MECOM: variants seen among roughly 807,000 people sequenced by gnomAD.
The protein encoded by MECOM is histone-lysine N-methyltransferase MECOM.
A neutral mutation model predicts 116.3 loss-of-function variants in MECOM; 13 were observed. That is an observed-to-expected ratio of 0.11 (90% confidence interval 0.07 to 0.18). The LOEUF (loss-of-function observed/expected upper bound fraction) is 0.18. Ranked by LOEUF, MECOM falls within the 10% of genes least tolerant of loss-of-function variation. The pLI, the probability that MECOM is intolerant of heterozygous loss-of-function variation, is 1.00. For synonymous variants in MECOM, 528 were observed against 535.2 expected (o/e 0.99, Z 0.19); for missense variants, 1,299 against 1,509.0 (o/e 0.86, Z 2.31).
chr3:169,564,378 A>C (rs1222622792), intron 1 of MECOM, among the ~76,000 whole-genome samples: 1 of 152,182 alleles, frequency 6.6e-6, no homozygotes, highest in Non-Finnish European at 1.5e-5. Flanking sequence ...AGAATATAGG[A>C]AAAAAGTAGT....
chr3:169,537,090 C>T (rs979307832), intron 1 of MECOM, among the ~76,000 whole-genome samples: 4 of 152,136 alleles, frequency 2.6e-5, no homozygotes, highest in African/African-American at 7.2e-5. Flanking sequence ...CTTATAATTC[C>T]TATGGGCAGG....
chr3:169,312,491 C>G (rs987414015), intron 2 of MECOM, among the ~76,000 whole-genome samples: 3 of 151,530 alleles, frequency 2.0e-5, no homozygotes, highest in African/African-American at 7.3e-5. Flanking sequence ...GCCTCAGCCT[C>G]CCGAGTAGCT....
chr3:169,631,849 A>G (rs1772138476), intron 1 of MECOM, among the ~76,000 whole-genome samples: 1 of 152,066 alleles, frequency 6.6e-6, no homozygotes, highest in Non-Finnish European at 1.5e-5. Flanking sequence ...GCTATGAGCC[A>G]CCCAAATTAC....
intron 1 of MECOM, among the ~76,000 whole-genome samples, chr3:169,566,623 C>G (rs936128188): frequency 2.6e-5 from 4 of 152,140 alleles, no homozygotes; most frequent in Admixed American, 2.6e-4. Context: ...CAAGCCTCAG[C>G]CAGTGAAAGA....
At chr3:169,550,858 C>G (rs1291862274) in intron 1 of MECOM, among the ~76,000 whole-genome samples, 1 of 78,430 alleles carries the variant, frequency 1.3e-5, no homozygotes, top group African/African-American at 4.2e-5. Flanking sequence ...GAGTCTCGCT[C>G]TGTCGCCCAG....
chr3:169,470,074 T>TA (rs1748950747), intron 1 of MECOM: 1 of 152,204 alleles, frequency 6.6e-6, no homozygotes, highest in Admixed American at 6.5e-5. Flanking sequence ...TATTTTATAT[T>TA]AAAAAAGTAG....
At chr3:169,146,610 G>C (rs769184017) in intron 2 of MECOM, 2 of 1,370,738 alleles carry the variant, frequency 1.5e-6, no homozygotes, top group South Asian at 2.3e-5. Flanking sequence ...AGGAAAGAAG[G>C]CTGGGGGCGG....
intron 3 of MECOM, among the ~76,000 whole-genome samples, chr3:169,136,535 T>G (rs1736427001): frequency 6.6e-6 from 1 of 152,002 alleles, no homozygotes; most frequent in Non-Finnish European, 1.5e-5. Context: ...GCATAGACAC[T>G]CATAAGCACT....
intron 1 of MECOM, among the ~76,000 whole-genome samples, chr3:169,575,564 G>C (rs748368161): frequency 6.6e-6 from 1 of 152,156 alleles, no homozygotes; most frequent in Non-Finnish European, 1.5e-5. Context: ...TGAGCCGTCC[G>C]GGGATGCCGC....
chr3:169,341,431 CAAAAAAAAA>C (rs60482855), intron 2 of MECOM, among the ~76,000 whole-genome samples: 1 of 89,410 alleles, frequency 1.1e-5, no homozygotes, highest in African/African-American at 3.7e-5. Flanking sequence ...TTAATAGGTT[CAAAAAAAAA>C]AAAAAAAAAA....
At chr3:169,274,017 G>T (rs145533679) in intron 2 of MECOM, among the ~76,000 whole-genome samples, 4,023 of 150,682 alleles carry the variant, frequency 0.027, 169 homozygotes, top group African/African-American at 0.093. Context: ...GTTCAAGTGA[G>T]TCTCCTGCCT....
At chr3:169,406,959 C>T (rs747492539) in intron 1 of MECOM, among the ~76,000 whole-genome samples, 23 of 151,962 alleles carry the variant, frequency 1.5e-4, no homozygotes, top group Non-Finnish European at 3.1e-4. Flanking sequence ...TTCTCTGCCT[C>T]AGTCTCCCAA....
intron 1 of MECOM, among the ~76,000 whole-genome samples, chr3:169,480,799 T>C (rs902659404): frequency 6.6e-6 from 1 of 152,116 alleles, no homozygotes; most frequent in African/African-American, 2.4e-5. Flanking sequence ...AGGGGCATAT[T>C]TGTGGATGTG....
rs771003420 is a variant in MECOM, at chr3:169,116,472, G to A, written c.1400C>T (p.Ala467Val). ...ATGCCTATTGGCGCCAAAATAGTCAGCAAGGCCCGGGTTGGCATGACTCAT... is the reference window on the plus strand; with the variant it reads ...ATGCCTATTGGCGCCAAAATAGTCAACAAGGCCCGGGTTGGCATGACTCAT... ...VNMSHANPGL[A>V]DYFGANRHPA... Residue 467 changes from alanine to valine, a missense_variant, in exon 8 of 17, where the codon GCT (alanine) becomes GTT (valine). Coordinates refer to ENST00000651503, the MANE Select transcript of MECOM (RefSeq NM_004991.4). 1 of 1,614,164 alleles carries A rather than the reference G, an allele frequency of 6.2e-7. No homozygotes were observed. Among genetic ancestry groups the A allele is most frequent in the Non-Finnish European group, 8.5e-7 (1 of 1,180,026 alleles).
intron 1 of MECOM, among the ~76,000 whole-genome samples, chr3:169,585,362 C>G (rs1292953544): frequency 6.6e-6 from 1 of 152,190 alleles, no homozygotes; most frequent in Non-Finnish European, 1.5e-5. Flanking sequence ...ATAAGTGTAG[C>G]ATTTAATTTC....
chr3:169,129,789 A>T (rs556976891), intron 4 of MECOM, among the ~76,000 whole-genome samples: 1 of 152,308 alleles, frequency 6.6e-6, no homozygotes, highest in East Asian at 1.9e-4. Context: ...TGACCTCACC[A>T]CTTACTAGCC....
At chr3:169,491,839 A>C (rs1753129091) in intron 1 of MECOM, among the ~76,000 whole-genome samples, 1 of 152,250 alleles carries the variant, frequency 6.6e-6, no homozygotes, top group African/African-American at 2.4e-5. Context: ...AATGTACAAA[A>C]TGCTATGAAT....
At chr3:169,655,632 G>A (rs1026403821) in intron 1 of MECOM, among the ~76,000 whole-genome samples, 1 of 152,180 alleles carries the variant, frequency 6.6e-6, no homozygotes, top group Non-Finnish European at 1.5e-5. Flanking sequence ...GCCTAGTTTG[G>A]CTTGGTATGG....
chr3:169,373,584 T>C (rs1320416435), intron 2 of MECOM, among the ~76,000 whole-genome samples: 1 of 152,012 alleles, frequency 6.6e-6, no homozygotes, highest in East Asian at 1.9e-4. Flanking sequence ...TTAATTTTTG[T>C]AGATACATAG....
Sources: gnomAD v4.1 joint callset for allele counts (sites outside exome capture counted in the v4.1 genomes callset) on GRCh38, gnomAD v4.1.1 for gene constraint, MANE v1.5 for transcripts, NCBI Gene and HGNC (gene_info 2026-07-23, HGNC 2026-07-21) for gene names.